Variants in NPAS3 observed in about 807,000 individuals in gnomAD.
The protein encoded by NPAS3 is neuronal PAS domain protein 3, also known as neuronal PAS domain-containing protein 3.
NPAS3 carries 14 observed loss-of-function variants against 73.1 expected under a neutral mutation model. The observed-to-expected ratio is 0.19, with a 90% CI of 0.13 to 0.30. The LOEUF is 0.30. Among genes scored for constraint, NPAS3 ranks in the 10% least tolerant of loss-of-function variants. The probability of loss-of-function intolerance (pLI) is 1.00; values close to 1 mark genes in which losing one functional copy is unlikely to be tolerated. For synonymous variants in NPAS3, 620 were observed against 541.5 expected (o/e 1.14, Z -2.01); for missense variants, 1,096 against 1,250.0 (o/e 0.88, Z 1.86).
At chr14:33,736,147 G>A (rs979854405) in intron 7 of NPAS3, among the ~76,000 whole-genome samples, 4 of 152,210 alleles carry the variant, frequency 2.6e-5, no homozygotes, top group South Asian at 2.1e-4. Flanking sequence ...GTGGCCAGCC[G>A]TTGTGACCTT....
At chr14:33,598,703 C>A (rs937487037) in intron 5 of NPAS3, among the ~76,000 whole-genome samples, 5 of 152,044 alleles carry the variant, frequency 3.3e-5, no homozygotes, top group African/African-American at 1.2e-4. Flanking sequence ...GTTTTGTGGC[C>A]GATGGCTGCA....
In NPAS3 at chr14:33,048,950, T is replaced by G. The variant is rs915459160; in HGVS notation, c.51-6955T>G. Among the ~76,000 whole-genome samples, 7 of 152,342 alleles carry G rather than the reference T, an allele frequency of 4.6e-5. No individual in the cohort carries two copies. The South Asian group carries it at 8.3e-4, about 18-fold the overall frequency. On this transcript the variant is annotated intron_variant, in intron 1 of 11. Coordinates refer to ENST00000356141, the Ensembl canonical transcript of NPAS3. ...AAGAGAAGCTTTCGATGGAGGGATT[T>G]CAGCTCCTTTCAAGACACTGATCTT...
At chr14:33,172,028 AATT>A (rs2045409353) in intron 2 of NPAS3, among the ~76,000 whole-genome samples, 1 of 152,164 alleles carries the variant, frequency 6.6e-6, no homozygotes, top group African/African-American at 2.4e-5. Context: ...GAACACACAC[AATT>A]ATTAAGTGTG....
intron 3 of NPAS3, among the ~76,000 whole-genome samples, chr14:33,237,264 C>A (rs1025321656): frequency 2.6e-5 from 4 of 152,072 alleles, no homozygotes; most frequent in Non-Finnish European, 4.4e-5. Context: ...TGTAATTTTA[C>A]TGTAGCTCTC....
At chr14:33,634,177 C>T (rs2058453478) in intron 5 of NPAS3, among the ~76,000 whole-genome samples, 2 of 152,154 alleles carry the variant, frequency 1.3e-5, no homozygotes, top group South Asian at 4.1e-4. Context: ...TACAGGGTGC[C>T]TTGCACTTTG....
rs28367463 is a variant in NPAS3 at position 33,500,938 on chromosome 14, A to C, written c.469-59183A>C. ...CACAGAAAAATTCCACAAGATGGGA[A>C]TAGGCTTCCTTGCTAATTAGGAACA... is the stretch of plus-strand genomic sequence containing the variant. On this transcript the variant is annotated intron_variant, in intron 4 of 11. Coordinates refer to ENST00000356141, the Ensembl canonical transcript of NPAS3. 9.5e-3 allele frequency among the ~76,000 whole-genome samples: 1,442 copies of C among 152,140 alleles called. 22 individuals are homozygous for C. The highest frequency in any genetic ancestry group is 0.032 in the African/African-American group (1,312 of 41,560).
chr14:33,240,420 T>C (rs1388562412), intron 3 of NPAS3, among the ~76,000 whole-genome samples: 1 of 151,848 alleles, frequency 6.6e-6, no homozygotes, highest in Non-Finnish European at 1.5e-5. Flanking sequence ...CTCTCTAAGC[T>C]GTATTAAATA....
chr14:32,939,941 C>G (rs886778965), intron 1 of NPAS3, among the ~76,000 whole-genome samples: 1 of 152,188 alleles, frequency 6.6e-6, no homozygotes, highest in Non-Finnish European at 1.5e-5. Context: ...TAGGCCGGGC[C>G]GAGCCCAGAG....
intron 4 of NPAS3, among the ~76,000 whole-genome samples, chr14:33,558,082 T>C (rs1169964500): frequency 3.9e-5 from 6 of 152,230 alleles, no homozygotes; most frequent in African/African-American, 1.4e-4. Context: ...TAAATGTAAG[T>C]TGGCATTATT....
rs951416363 is a variant in NPAS3, at chr14:33,390,842, A to T, written c.468+23574A>T. The stretch of plus-strand genomic sequence containing the variant: ...CTTGTGTATTTTTTATTTTATTACC[A>T]TGTTTCATTCCTGAACAGTCTCAAA... On this transcript the variant is annotated intron_variant, in intron 4 of 11. Transcript: ENST00000356141. 2.6e-5 allele frequency among the ~76,000 whole-genome samples: 4 copies of T among 152,232 alleles called. No individual in the cohort carries two copies. The East Asian group carries it at 5.8e-4, about 22-fold the overall frequency.
At chr14:33,264,532 G>A (rs368887579) in intron 3 of NPAS3, among the ~76,000 whole-genome samples, 16 of 152,108 alleles carry the variant, frequency 1.1e-4, no homozygotes, top group East Asian at 3.9e-4. Flanking sequence ...ATGTTATTTA[G>A]ATTATTAATA....
intron 4 of NPAS3, among the ~76,000 whole-genome samples, chr14:33,491,229 G>T (rs575107172): frequency 6.6e-6 from 1 of 151,960 alleles, no homozygotes; most frequent in African/African-American, 2.4e-5. Context: ...TCTTATGAGA[G>T]ATGAACATTT....
chr14:33,006,784 A>G (rs1215155523), intron 1 of NPAS3, among the ~76,000 whole-genome samples: 1 of 152,162 alleles, frequency 6.6e-6, no homozygotes, highest in Non-Finnish European at 1.5e-5. Context: ...TGTTGAAAAA[A>G]CATTTATGTC....
intron 5 of NPAS3, among the ~76,000 whole-genome samples, chr14:33,580,906 G>A (rs575836159): frequency 9.2e-5 from 14 of 151,744 alleles, no homozygotes; most frequent in South Asian, 4.2e-4. Context: ...CACCAGCCCC[G>A]CCAAACATGT....
chr14:33,168,044 G>A (rs1387532656), intron 2 of NPAS3, among the ~76,000 whole-genome samples: 1 of 152,088 alleles, frequency 6.6e-6, no homozygotes, highest in Non-Finnish European at 1.5e-5. Context: ...TTTTCATTTA[G>A]CATTCTTTTC....
chr14:33,405,101 C>T (rs1451526553), intron 4 of NPAS3, among the ~76,000 whole-genome samples: 1 of 152,050 alleles, frequency 6.6e-6, no homozygotes, highest in Non-Finnish European at 1.5e-5. Context: ...GTATGCTGTG[C>T]ACATTGTTGG....
intron 5 of NPAS3, chr14:33,583,423 T>C (rs2056753742): frequency 6.6e-6 from 1 of 152,166 alleles, no homozygotes; most frequent in Non-Finnish European, 1.5e-5. Context: ...TAAATCAGTC[T>C]CTTGGTATAT....
chr14:33,544,144 C>A (rs1431917378), intron 4 of NPAS3, among the ~76,000 whole-genome samples: 1 of 151,572 alleles, frequency 6.6e-6, no homozygotes, highest in African/African-American at 2.4e-5. Context: ...GATTTGGGGT[C>A]TATTTATTTA....
At chr14:33,114,570 A>G (rs1242083670) in intron 2 of NPAS3, among the ~76,000 whole-genome samples, 2 of 152,150 alleles carry the variant, frequency 1.3e-5, no homozygotes, top group African/African-American at 2.4e-5. Flanking sequence ...GTCATCAGTA[A>G]TTGAGAAATG....
Sources: allele counts gnomAD v4.1 joint callset (sites outside exome capture counted in the v4.1 genomes callset), GRCh38; gene constraint gnomAD v4.1.1; transcripts MANE v1.5; gene names NCBI Gene and HGNC (gene_info 2026-07-23, HGNC 2026-07-21).